Variants in SGCZ observed in about 807,000 individuals in gnomAD.
SGCZ encodes zeta-sarcoglycan.
Under a neutral mutation model 41.3 loss-of-function variants are expected in SGCZ, and 40 were observed. The observed-to-expected ratio is 0.97, with a 90% CI of 0.75 to 1.26. The LOEUF is 1.26. Among genes scored for constraint, SGCZ ranks in the 50% most tolerant of loss-of-function variants. SGCZ has a pLI of 0.00. For missense variants in SGCZ, 552 were observed against 369.8 expected, an observed-to-expected ratio of 1.49 and a Z score of -4.04; for synonymous variants, 206 against 137.5, an observed-to-expected ratio of 1.50 and a Z score of -3.49.
intron 3 of SGCZ, among the ~76,000 whole-genome samples, chr8:14,240,455 T>C (rs1042531194): frequency 3.3e-5 from 5 of 152,144 alleles, no homozygotes; most frequent in African/African-American, 1.2e-4. Context: ...GTTCTGTCTC[T>C]AGCACTCTTC....
intron 1 of SGCZ, among the ~76,000 whole-genome samples, chr8:15,138,250 AAG>A (rs1363198164): frequency 6.6e-6 from 1 of 152,172 alleles, no homozygotes; most frequent in Admixed American, 6.5e-5. Context: ...TGTATCTAAG[AAG>A]TAACTAACTT....
intron 1 of SGCZ, among the ~76,000 whole-genome samples, chr8:14,639,928 C>G (rs1806967540): frequency 1.3e-5 from 2 of 151,622 alleles, no homozygotes; most frequent in Admixed American, 6.6e-5. Flanking sequence ...ACACTTGATA[C>G]TGTATTAGAA....
rs140278773 is a variant in SGCZ, at chr8:15,061,235, T to C, written c.39+176350A>G. Reference sequence around the variant, plus strand: ...GTCATGAAGGCGGAACTCTCATAGATAGGATTAGAGCCCCTACAAATAGGG... The same window carrying C: ...GTCATGAAGGCGGAACTCTCATAGACAGGATTAGAGCCCCTACAAATAGGG... On this transcript the variant is annotated intron_variant, in intron 1 of 7. Transcript: ENST00000382080. 1.4e-3 allele frequency among the ~76,000 whole-genome samples: 191 copies of C among 138,876 alleles called. 1 individual carries two copies. Among genetic ancestry groups the C allele is most frequent in the African/African-American group, 4.7e-3 (182 of 38,782 alleles). 91.1% of individuals were successfully genotyped at this position (138,876 alleles called of 152,430 possible).
intron 1 of SGCZ, among the ~76,000 whole-genome samples, chr8:14,579,494 A>G (rs1045040367): frequency 6.6e-6 from 1 of 152,212 alleles, no homozygotes; most frequent in African/African-American, 2.4e-5. Context: ...TTGCATCGAT[A>G]ACTGAATGAC....
intron 2 of SGCZ, among the ~76,000 whole-genome samples, chr8:14,346,033 C>T (rs192125058): frequency 6.6e-6 from 1 of 152,012 alleles, no homozygotes; most frequent in Admixed American, 6.6e-5. Flanking sequence ...TTGTCAAACC[C>T]CCTAGAATAT....
intron 2 of SGCZ, among the ~76,000 whole-genome samples, chr8:14,397,284 A>C (rs1319120082): frequency 1.3e-5 from 2 of 152,168 alleles, no homozygotes; most frequent in Non-Finnish European, 2.9e-5. Flanking sequence ...GTTCGAATAT[A>C]GTATTTCTGA....
chr8:14,808,656 G>T (rs1290591665), intron 1 of SGCZ, among the ~76,000 whole-genome samples: 1 of 152,280 alleles, frequency 6.6e-6, no homozygotes, highest in African/African-American at 2.4e-5. Flanking sequence ...TTCAACCATT[G>T]TGGAAGTCAG....
chr8:14,460,646 A>G (rs1298950862), intron 2 of SGCZ, among the ~76,000 whole-genome samples: 4 of 152,172 alleles, frequency 2.6e-5, no homozygotes, highest in Non-Finnish European at 4.4e-5. Flanking sequence ...ACCAAAGAAC[A>G]GAGAGACGAA....
intron 1 of SGCZ, among the ~76,000 whole-genome samples, chr8:14,969,268 G>C (rs1365828534): frequency 6.6e-6 from 1 of 151,946 alleles, no homozygotes; most frequent in Non-Finnish European, 1.5e-5. Context: ...TAAAATTCTA[G>C]GCCACTGGCC....
chr8:14,826,392 A>T (rs912887515), intron 1 of SGCZ, among the ~76,000 whole-genome samples: 1 of 152,284 alleles, frequency 6.6e-6, no homozygotes, highest in South Asian at 2.1e-4. Context: ...CGCAATAAAC[A>T]TACATGTGCA....
chr8:14,631,286 T>C (rs56829011), intron 1 of SGCZ, among the ~76,000 whole-genome samples: 1 of 80,066 alleles, frequency 1.2e-5, no homozygotes, highest in African/African-American at 4.6e-5. Flanking sequence ...ATAGGAATTC[T>C]TTTTTTATTA....
intron 4 of SGCZ, among the ~76,000 whole-genome samples, chr8:14,216,303 TC>T (rs1405305219): frequency 6.6e-6 from 1 of 152,152 alleles, no homozygotes; most frequent in Non-Finnish European, 1.5e-5. Flanking sequence ...TGTGTCCTTT[TC>T]CTATACTTTC....
intron 1 of SGCZ, among the ~76,000 whole-genome samples, chr8:14,904,015 CA>C (rs1563351924): frequency 6.6e-6 from 1 of 151,852 alleles, no homozygotes; most frequent in South Asian, 2.1e-4. Context: ...AGATGAGCTA[CA>C]AAAAAATTTT....
chr8:14,328,279 C>A lies in SGCZ; in HGVS notation c.235-4075G>T, dbSNP rs138320549. On this transcript the variant is annotated intron_variant, in intron 2 of 7. Transcript: ENST00000382080. ...TTTATTTTTAGTGTCTGATGATTTT[C>A]CTGATCCCTTCATTATCTGAAAGGG... 3.9e-5 allele frequency among the ~76,000 whole-genome samples: 6 copies of A among 152,252 alleles called. No homozygotes were observed. In the East Asian group the frequency reaches 1.2e-3, roughly 29 times the overall value.
chr8:14,164,789 A>ATAT, intron 4 of SGCZ, 87 bp from the exon 5 acceptor site: 1 of 1,429,044 alleles, frequency 7.0e-7, no homozygotes, highest in Non-Finnish European at 9.5e-7. Context: ...AGAAATGCAT[A>ATAT]TATTATTTAA....
At chr8:14,497,671 T>A (rs916851914) in intron 2 of SGCZ, among the ~76,000 whole-genome samples, 7 of 152,082 alleles carry the variant, frequency 4.6e-5, no homozygotes, top group Admixed American at 6.6e-5. Context: ...CTTCTTCCAA[T>A]GTGGCCCAGG....
chr8:15,217,048 T>C (rs994653048), intron 1 of SGCZ, among the ~76,000 whole-genome samples: 1 of 151,020 alleles, frequency 6.6e-6, no homozygotes, highest in African/African-American at 2.4e-5. Context: ...GCGCTTATAT[T>C]CTTAAAAAAA....
chr8:14,893,071 T>C (rs908267031), intron 1 of SGCZ, among the ~76,000 whole-genome samples: 2 of 152,146 alleles, frequency 1.3e-5, no homozygotes, highest in South Asian at 2.1e-4. Flanking sequence ...ACTTTGCATA[T>C]TTGATTAAGT....
intron 1 of SGCZ, among the ~76,000 whole-genome samples, chr8:14,703,190 C>G: frequency 6.6e-6 from 1 of 151,962 alleles, no homozygotes; most frequent in East Asian, 1.9e-4. Context: ...AAGCACAATT[C>G]ACAATATTTA....
Sources: allele counts gnomAD v4.1 joint callset (sites outside exome capture counted in the v4.1 genomes callset), GRCh38; gene constraint gnomAD v4.1.1; transcripts MANE v1.5; gene names NCBI Gene and HGNC (gene_info 2026-07-23, HGNC 2026-07-21).